The following ACOXL variants were observed in gnomAD, a reference collection of about 807,000 sequenced individuals.
ACOXL encodes acyl-CoA oxidase like, also known as acyl-coenzyme A oxidase-like protein.
ACOXL carries 70 observed loss-of-function variants against 71.9 expected under a neutral mutation model. That is an observed-to-expected ratio of 0.97 (90% CI 0.80 to 1.19). The LOEUF is 1.19. Ranked by LOEUF, ACOXL falls within the 50% of genes most tolerant of loss-of-function variation. The probability of loss-of-function intolerance (pLI) is 0.00; values close to 1 mark genes in which losing one functional copy is unlikely to be tolerated. For synonymous variants in ACOXL, 253 were observed against 281.6 expected (o/e 0.90, Z 1.02); for missense variants, 703 against 736.3 (o/e 0.95, Z 0.52).
intron 14 of ACOXL, among the ~76,000 whole-genome samples, chr2:111,025,103 T>C (rs575976795): frequency 6.6e-5 from 10 of 152,092 alleles, no homozygotes; most frequent in African/African-American, 2.4e-4. Flanking sequence ...AAACTACTTA[T>C]CTTTCTTTCA....
At chr2:111,074,519 A>C (rs754349563) in intron 16 of ACOXL, among the ~76,000 whole-genome samples, 21 of 152,040 alleles carry the variant, frequency 1.4e-4, no homozygotes, top group Non-Finnish European at 2.6e-4. Flanking sequence ...ATTTTGCCAA[A>C]TGCTTTTTCT....
intron 9 of ACOXL, among the ~76,000 whole-genome samples, chr2:110,813,846 C>A (rs907865201): frequency 2.6e-5 from 4 of 152,176 alleles, no homozygotes; most frequent in Non-Finnish European, 4.4e-5. Flanking sequence ...TTGTTTATTT[C>A]ATCACCAGAG....
At chr2:110,896,973 TA>T (rs1189175444) in intron 10 of ACOXL, among the ~76,000 whole-genome samples, 1 of 151,994 alleles carries the variant, frequency 6.6e-6, no homozygotes, top group African/African-American at 2.4e-5. Context: ...CACCATATCT[TA>T]TCCAGAAAAA....
At chr2:110,958,375 G>A (rs1162347603) in intron 12 of ACOXL, among the ~76,000 whole-genome samples, 7 of 152,226 alleles carry the variant, frequency 4.6e-5, no homozygotes, top group Admixed American at 1.3e-4. Context: ...AGGCCAGTCT[G>A]TGTGTGGAAT....
intron 9 of ACOXL, among the ~76,000 whole-genome samples, chr2:110,812,113 G>T (rs886187613): frequency 6.6e-6 from 1 of 152,134 alleles, no homozygotes; most frequent in Non-Finnish European, 1.5e-5. Context: ...CTGAGTAATT[G>T]TTGGACTCAA....
At chr2:110,799,771 A>G (rs1321651493) in intron 7 of ACOXL, among the ~76,000 whole-genome samples, 1 of 152,178 alleles carries the variant, frequency 6.6e-6, no homozygotes, top group Non-Finnish European at 1.5e-5. Flanking sequence ...AGTGCTCTGT[A>G]GCTAGCAAGG....
chr2:111,095,391 CTTTTTT>C (rs780172456), intron 17 of ACOXL, among the ~76,000 whole-genome samples: 2 of 116,592 alleles, frequency 1.7e-5, no homozygotes, highest in African/African-American at 3.2e-5. Flanking sequence ...TTTTCTTTTT[CTTTTTT>C]TTTTTTTTTT....
At chr2:110,951,602 A>G (rs1443193410) in intron 12 of ACOXL, among the ~76,000 whole-genome samples, 1 of 152,218 alleles carries the variant, frequency 6.6e-6, no homozygotes, top group Non-Finnish European at 1.5e-5. Flanking sequence ...GATATTCTCT[A>G]TTATGTTAAG....
At chr2:111,071,637 G>A (rs1247022881) in intron 16 of ACOXL, among the ~76,000 whole-genome samples, 4 of 152,186 alleles carry the variant, frequency 2.6e-5, no homozygotes, top group Admixed American at 6.5e-5. Context: ...CTGATATCAC[G>A]CTGGTATTAC....
chr2:111,080,577 A>G (rs1281320479), intron 16 of ACOXL, among the ~76,000 whole-genome samples: 1 of 152,236 alleles, frequency 6.6e-6, no homozygotes. Context: ...TTCACAGCCA[A>G]ATTCTACCAG....
Position 110,764,284 on chromosome 2 carries a change from G to C in ACOXL, c.-22-4084G>C, listed in dbSNP as rs150119946. ...CAAGATGTCTATCAGTAGTTGAATGGATAGATAAATGGTGGTACCTCCAGG... is the reference window on the plus strand; with the variant it reads ...CAAGATGTCTATCAGTAGTTGAATGCATAGATAAATGGTGGTACCTCCAGG... On this transcript the variant is annotated intron_variant, in intron 1 of 17. Coordinates refer to ENST00000439055, the MANE Select transcript of ACOXL (RefSeq NM_001142807.4). 1.8e-3 allele frequency among the ~76,000 whole-genome samples: 277 copies of C among 152,176 alleles called. 1 individual carries two copies. The highest frequency in any genetic ancestry group is 3.4e-3 in the Middle Eastern group (1 of 294).
chr2:111,088,824 A>G (rs1392436752), intron 16 of ACOXL, among the ~76,000 whole-genome samples: 2 of 152,228 alleles, frequency 1.3e-5, no homozygotes, highest in Non-Finnish European at 2.9e-5. Context: ...GAAACTATAC[A>G]ATCTGAGATT....
At chr2:111,060,349 C>T (rs985799394) in intron 16 of ACOXL, among the ~76,000 whole-genome samples, 1 of 152,056 alleles carries the variant, frequency 6.6e-6, no homozygotes, top group Non-Finnish European at 1.5e-5. Context: ...CCCCTGGTAG[C>T]GTCAGTGGAG....
chr2:110,752,718 C>T (rs748896777), intron 1 of ACOXL, among the ~76,000 whole-genome samples: 3 of 151,742 alleles, frequency 2.0e-5, no homozygotes, highest in Non-Finnish European at 2.9e-5. Flanking sequence ...TTGTCATGTC[C>T]GTCAATTTTG....
chr2:110,973,602 C>T (rs2149494760), intron 12 of ACOXL, among the ~76,000 whole-genome samples: 1 of 152,292 alleles, frequency 6.6e-6, no homozygotes, highest in African/African-American at 2.4e-5. Flanking sequence ...TGTTTATAAG[C>T]CACTCAGTTT....
chr2:111,011,454 T>C (rs1307297176), intron 14 of ACOXL, among the ~76,000 whole-genome samples: 2 of 152,152 alleles, frequency 1.3e-5, no homozygotes, highest in Non-Finnish European at 2.9e-5. Context: ...AACATTGTTA[T>C]AGAAGGTTAA....
intron 12 of ACOXL, among the ~76,000 whole-genome samples, chr2:110,978,920 A>G (rs767772738): frequency 2.0e-5 from 3 of 152,192 alleles, no homozygotes; most frequent in Non-Finnish European, 2.9e-5. Flanking sequence ...CACAAGTAAC[A>G]TGTATTCCAG....
chr2:110,736,619 C>CT lies in ACOXL; in HGVS notation c.-23+3863dup, dbSNP rs57507260. On this transcript the variant is annotated intron_variant, in intron 1 of 17. Transcript: ENST00000439055. Reference sequence around the variant, plus strand: ...ATGTATAGACTACATTTTGATTACTCTTTTTTTTTTTTTTTTTTGAGACGG... The same window carrying CT: ...ATGTATAGACTACATTTTGATTACTCTTTTTTTTTTTTTTTTTTTGAGACGG... 1.4e-3 allele frequency among the ~76,000 whole-genome samples: 163 copies of CT among 113,202 alleles called. 2 individuals carry two copies. Among genetic ancestry groups the CT allele is most frequent in the South Asian group, 0.014 (50 of 3,504 alleles). The allele number at this position is 113,202 out of a possible 152,430, so 74.3% of individuals were successfully genotyped here. A position where few individuals can be genotyped will look rare whatever the true frequency, so the allele number is the denominator to read the frequency against.
At chr2:110,944,294 T>C (rs1456822316) in intron 12 of ACOXL, among the ~76,000 whole-genome samples, 1 of 151,936 alleles carries the variant, frequency 6.6e-6, no homozygotes, top group Non-Finnish European at 1.5e-5. Context: ...CCACAAGTCA[T>C]CCACCTGCTT....
Sources: allele counts gnomAD v4.1 joint callset (sites outside exome capture counted in the v4.1 genomes callset), GRCh38; gene constraint gnomAD v4.1.1; transcripts MANE v1.5; gene names NCBI Gene and HGNC (gene_info 2026-07-23, HGNC 2026-07-21).